KLF3: variants seen among roughly 807,000 people sequenced by gnomAD.
KLF3 encodes the protein KLF transcription factor 3, also known as Krueppel-like factor 3.
KLF3 carries 6 observed loss-of-function variants against 32.7 expected under a neutral mutation model. The observed-to-expected ratio is 0.18, with a 90% CI of 0.10 to 0.36. The LOEUF (loss-of-function observed/expected upper bound fraction) is 0.36, where lower values mean the gene tolerates loss of function less well. KLF3 is among the 10% of genes least tolerant of loss of function. The pLI is 1.00. For synonymous variants in KLF3, 145 were observed against 172.8 expected, an observed-to-expected ratio of 0.84 and a Z score of 1.26; for missense variants, 338 against 449.7, an observed-to-expected ratio of 0.75 and a Z score of 2.25.
Position 38,689,774 on chromosome 4 carries a change from T to A in KLF3, c.590T>A (p.Ile197Asn). The A allele has an allele frequency of 6.2e-7, 1 of 1,608,946 alleles. No individual in the cohort carries two copies. Among genetic ancestry groups the A allele is most frequent in the Non-Finnish European group, 8.5e-7 (1 of 1,177,550 alleles). Residue 197 changes from isoleucine (I) to asparagine (N), a missense_variant, in exon 4 of 6, where the codon ATT (isoleucine) becomes AAT (asparagine). Physicochemically the swap from Ile to Asn is moderately radical, Grantham distance 149. This residue lies in a region of KLF3 where 272 missense variants were observed against 313.4 expected (regional missense o/e 0.87). Transcript: ENST00000261438. ...GAGAAGCCTATATCACAGAAAAAAA[T>A]TAAAATAGAACCTGGGATCGAACCA... ...SYEKPISQKK[I>N]KIEPGIEPQR...
intron 1 of KLF3, among the ~76,000 whole-genome samples, chr4:38,679,795 G>A (rs1032163433): frequency 5.9e-5 from 9 of 152,166 alleles, no homozygotes; most frequent in East Asian, 1.9e-4. Context: ...TGTACACTAT[G>A]AGCCCAGTTT....
In KLF3 at chr4:38,697,497, T is replaced by C. The variant is rs532433309; in HGVS notation, c.*234T>C. The C allele has an allele frequency of 1.0e-5, 4 of 401,666 alleles. No individual in the cohort carries two copies. The highest frequency in any genetic ancestry group is 3.6e-5 in the East Asian group (1 of 27,500). 24.9% of individuals were successfully genotyped at this position (401,666 alleles called of 1,614,324 possible). A position where few individuals can be genotyped will look rare whatever the true frequency, so the allele number is the denominator to read the frequency against. On this transcript the variant is annotated 3_prime_UTR_variant, in exon 6 of 6. Coordinates refer to ENST00000261438, the MANE Select transcript of KLF3 (RefSeq NM_016531.6). The stretch of plus-strand genomic sequence containing the variant: ...GAATGTGAACACTTTTTTTTTTTTT[T>C]CTGGGGATGCTAAGCAAACCCTTCT...
chr4:38,690,214 A>T lies in KLF3; in HGVS notation c.695+335A>T, dbSNP rs576218774. On this transcript the variant is annotated intron_variant, in intron 4 of 5. Transcript: ENST00000261438. ...GTTTTTCCATTATGAGAATCCTTGTATAGATTAAACTTGGTGTTCTGTGGA... is the reference window on the plus strand; with the variant it reads ...GTTTTTCCATTATGAGAATCCTTGTTTAGATTAAACTTGGTGTTCTGTGGA... 3 of 249,358 alleles carry T rather than the reference A, an allele frequency of 1.2e-5. No individual in the cohort carries two copies. The South Asian group carries it at 2.6e-4, about 22-fold the overall frequency. The allele number at this position is 249,358 out of a possible 1,614,324, so 15.4% of individuals were successfully genotyped here. A position where few individuals can be genotyped will look rare whatever the true frequency, so the allele number is the denominator to read the frequency against.
At chr4:38,692,571 C>T (rs2109255123) in intron 4 of KLF3, among the ~76,000 whole-genome samples, 1 of 152,178 alleles carries the variant, frequency 6.6e-6, no homozygotes, top group African/African-American at 2.4e-5. Context: ...TATTATCATC[C>T]CCAGTTTACA....
chr4:38,669,055 C>T (rs552658864), intron 1 of KLF3, among the ~76,000 whole-genome samples: 29 of 152,220 alleles, frequency 1.9e-4, no homozygotes, highest in Admixed American at 1.2e-3. Flanking sequence ...TGCTATAAAA[C>T]GACAGATTTC....
intron 2 of KLF3, among the ~76,000 whole-genome samples, chr4:38,685,590 G>T (rs1372799342): frequency 6.6e-6 from 1 of 152,126 alleles, no homozygotes; most frequent in East Asian, 1.9e-4. Context: ...GAAAAATCCA[G>T]CAATGACAGC....
At chr4:38,666,509 T>C (rs1025826158) in intron 1 of KLF3, among the ~76,000 whole-genome samples, 1 of 152,162 alleles carries the variant, frequency 6.6e-6, no homozygotes, top group Non-Finnish European at 1.5e-5. Flanking sequence ...GGAAAGGAAC[T>C]GTGAATGGAT....
At position 38,697,224 on chromosome 4, in the gene KLF3, C is replaced by T; in HGVS notation, c.999C>T (p.Asp333=). ...GTGACCGCAGCTTCTCCCGTTCTGA[C>T]CATCTTGCCCTCCATAGGAAACGCC... ...PDCDRSFSRS[D]HLALHRKRHM... The change falls in exon 6 of 6, where the codon GAC becomes GAT. Residue 333 remains aspartate, a synonymous_variant. Coordinates refer to ENST00000261438, the MANE Select transcript of KLF3 (RefSeq NM_016531.6). The T allele has an allele frequency of 6.2e-7, 1 of 1,613,776 alleles. No homozygotes were observed. The highest frequency in any genetic ancestry group is 8.5e-7 in the Non-Finnish European group (1 of 1,179,848).
chr4:38,691,476 A>G (rs1395654769), intron 4 of KLF3, among the ~76,000 whole-genome samples: 1 of 152,218 alleles, frequency 6.6e-6, no homozygotes, highest in Non-Finnish European at 1.5e-5. Flanking sequence ...ATAAAACTAA[A>G]TAAAACCAAC....
intron 4 of KLF3, 73 bp from the exon 5 acceptor site, chr4:38,694,672 TA>T: frequency 7.6e-7 from 1 of 1,321,520 alleles, no homozygotes. Context: ...CCAGTGTTGT[TA>T]ATGCTTTTAG....
At position 38,689,791 on chromosome 4, in the gene KLF3, A is replaced by T. The variant is rs1242996264; in HGVS notation, c.607A>T (p.Ile203Phe). The T allele has an allele frequency of 1.2e-6, 2 of 1,612,584 alleles. No homozygotes were observed. The highest frequency in any genetic ancestry group is 1.7e-5 in the Admixed American group (1 of 59,874). The change falls in exon 4 of 6, where the codon ATC becomes TTC. Residue 203 changes from isoleucine to phenylalanine, a missense_variant. Around this residue, in one of 2 missense-constraint regions of KLF3, gnomAD observed 272 missense variants for 313.4 expected, o/e 0.87. Transcript: ENST00000261438. ...SQKKIKIEPG[I>F]EPQRTDYYPE... ...GAAAAAAATTAAAATAGAACCTGGG[A>T]TCGAACCACAGAGGACAGATTATTA...
At position 38,700,488 on chromosome 4, in the gene KLF3, T is replaced by C. The variant is rs1452161272; in HGVS notation, c.*3225T>C. On this transcript the variant is annotated 3_prime_UTR_variant, in exon 6 of 6. Transcript: ENST00000261438. The stretch of plus-strand genomic sequence containing the variant: ...ATGAAGTTGCTCCGAGCTGTCTTTA[T>C]TCTCTTCTTGGTCAAGGTTAACAAT... 1 of 152,242 alleles carries C rather than the reference T, an allele frequency of 6.6e-6. No homozygotes were observed. The highest frequency in any genetic ancestry group is 2.4e-5 in the African/African-American group (1 of 41,456). 9.4% of individuals were successfully genotyped at this position (152,242 alleles called of 1,614,324 possible). A position where few individuals can be genotyped will look rare whatever the true frequency, so the allele number is the denominator to read the frequency against.
chr4:38,692,399 T>C (rs1308726652), intron 4 of KLF3, among the ~76,000 whole-genome samples: 2 of 152,186 alleles, frequency 1.3e-5, no homozygotes, highest in African/African-American at 4.8e-5. Context: ...AGCAGAGATA[T>C]CCTGGTTTGG....
At chr4:38,680,783 G>A in intron 2 of KLF3, 101 bp downstream of exon 2, 1 of 857,118 alleles carries the variant, frequency 1.2e-6, no homozygotes, top group Admixed American at 1.8e-5. Context: ...GGGCGTGGTG[G>A]CTCACGCCTG....
chr4:38,690,500 T>C (rs1159297154), intron 4 of KLF3: 3 of 152,246 alleles, frequency 2.0e-5, no homozygotes, highest in Non-Finnish European at 4.4e-5. Context: ...GCTAAGAAGA[T>C]GGTTTTCGGG....
intron 1 of KLF3, among the ~76,000 whole-genome samples, chr4:38,668,078 C>T (rs983241632): frequency 1.3e-5 from 2 of 152,156 alleles, no homozygotes; most frequent in Admixed American, 6.5e-5. Context: ...TCATTTAATG[C>T]TAGATTGTTT....
At chr4:38,667,728 T>C (rs932885040) in intron 1 of KLF3, among the ~76,000 whole-genome samples, 2 of 152,218 alleles carry the variant, frequency 1.3e-5, no homozygotes, top group Admixed American at 6.5e-5. Context: ...CCTTACAGTT[T>C]AGAAGACCTA....
intron 1 of KLF3, among the ~76,000 whole-genome samples, chr4:38,676,803 A>C (rs762394878): frequency 7.9e-5 from 12 of 152,096 alleles, no homozygotes; most frequent in Non-Finnish European, 1.6e-4. Context: ...TAATCCTATC[A>C]TTCCTTCTTT....
chr4:38,680,010 A>G (rs548393500), intron 1 of KLF3, among the ~76,000 whole-genome samples: 36 of 152,240 alleles, frequency 2.4e-4, no homozygotes, highest in African/African-American at 7.7e-4. Flanking sequence ...GGCTGTACAT[A>G]GTGTTCCAGA....
Sources: gnomAD v4.1 joint callset for allele counts (sites outside exome capture counted in the v4.1 genomes callset) on GRCh38, gnomAD v4.1.1 for gene constraint, gnomAD v4.1.1 regional missense constraint, MANE v1.5 for transcripts, NCBI Gene and HGNC (gene_info 2026-07-23, HGNC 2026-07-21) for gene names.